Variants in SNX29 observed in about 807,000 individuals in gnomAD.
The protein encoded by SNX29 is sorting nexin 29, also known as sorting nexin-29.
Under a neutral mutation model 102.1 loss-of-function variants are expected in SNX29, and 78 were observed. The observed-to-expected ratio is 0.76, with a 90% CI of 0.64 to 0.92. The LOEUF (loss-of-function observed/expected upper bound fraction) is 0.92. SNX29 is among the 40% of genes least tolerant of loss of function. The probability of loss-of-function intolerance (pLI) is 0.00; values close to 1 mark genes in which losing one functional copy is unlikely to be tolerated. For synonymous variants in SNX29, 580 were observed against 414.5 expected (o/e 1.40, Z -4.85); for missense variants, 1,280 against 1,061.7 (o/e 1.21, Z -2.86).
chr16:12,564,035 C>G (rs529913459), intron 20 of SNX29, among the ~76,000 whole-genome samples: 2 of 148,164 alleles, frequency 1.3e-5, no homozygotes, highest in South Asian at 2.2e-4. Context: ...AGGAGTTGCA[C>G]CGGTAAAAGG....
chr16:12,535,972 C>A (rs548822505), intron 20 of SNX29, among the ~76,000 whole-genome samples: 1 of 152,132 alleles, frequency 6.6e-6, no homozygotes, highest in Non-Finnish European at 1.5e-5. Flanking sequence ...TTGACCCCGG[C>A]TGAGAAAAGG....
At chr16:12,182,529 A>G (rs1274610922) in intron 13 of SNX29, among the ~76,000 whole-genome samples, 1 of 152,126 alleles carries the variant, frequency 6.6e-6, no homozygotes, top group Non-Finnish European at 1.5e-5. Context: ...GGGCTGAGAT[A>G]GTGATTCCTT....
rs1443731858 is a variant in SNX29 at position 12,568,665 on chromosome 16, G to A, written c.*36G>A. On this transcript the variant is annotated 3_prime_UTR_variant, in exon 21 of 21. Transcript: ENST00000566228. Reference sequence around the variant, plus strand: ...ACCGCAGCCACGGGCCCTGTGCGTGGCACCAGCTGCGTCCACCCCAGCCAC... The same window carrying A: ...ACCGCAGCCACGGGCCCTGTGCGTGACACCAGCTGCGTCCACCCCAGCCAC... 4 of 1,592,492 alleles carry A rather than the reference G, an allele frequency of 2.5e-6. No homozygotes were observed. The highest frequency in any genetic ancestry group is 2.6e-6 in the Non-Finnish European group (3 of 1,175,976).
intron 14 of SNX29, among the ~76,000 whole-genome samples, chr16:12,261,054 G>T (rs1213679387): frequency 1.5e-5 from 2 of 136,214 alleles, no homozygotes; most frequent in Non-Finnish European, 3.1e-5. Flanking sequence ...TGCTGAGCTG[G>T]GGTCTGCGCA....
At position 11,976,785 on chromosome 16, in the gene SNX29, C is replaced by G; in HGVS notation, c.-22C>G. The stretch of plus-strand genomic sequence containing the variant: ...GGCAGCGGCGGCGGCGCGGCGCAGG[C>G]ACCGGCCCGGGGAGAGGCACCATGA... On this transcript the variant is annotated 5_prime_UTR_variant, in exon 1 of 21. Transcript: ENST00000566228. 1 of 1,356,372 alleles carries G rather than the reference C, an allele frequency of 7.4e-7. No individual in the cohort carries two copies. Among genetic ancestry groups the G allele is most frequent in the Non-Finnish European group, 9.5e-7 (1 of 1,052,872 alleles). 84.0% of individuals were successfully genotyped at this position (1,356,372 alleles called of 1,614,324 possible).
At chr16:12,233,566 C>G (rs1009175780) in intron 14 of SNX29, among the ~76,000 whole-genome samples, 2 of 152,166 alleles carry the variant, frequency 1.3e-5, no homozygotes, top group African/African-American at 4.8e-5. Flanking sequence ...CAAACCTTCA[C>G]TTGTACCCCC....
At chr16:12,111,838 T>A (rs1013208869) in intron 11 of SNX29, among the ~76,000 whole-genome samples, 1 of 151,386 alleles carries the variant, frequency 6.6e-6, no homozygotes, top group Admixed American at 6.6e-5. Flanking sequence ...GATTTGAGAG[T>A]GTGTGTGGGT....
chr16:12,422,415 G>A (rs1033232824), intron 18 of SNX29, among the ~76,000 whole-genome samples: 5 of 152,176 alleles, frequency 3.3e-5, no homozygotes, highest in African/African-American at 1.2e-4. Flanking sequence ...AAAATTAGGC[G>A]GGGTGGGGCA....
chr16:12,381,918 C>T (rs1364831170), intron 16 of SNX29, among the ~76,000 whole-genome samples: 1 of 150,660 alleles, frequency 6.6e-6, no homozygotes, highest in Non-Finnish European at 1.5e-5. Context: ...ATCTACCCAC[C>T]CCACCCACAC....
At chr16:12,526,969 A>G (rs1023002831) in intron 20 of SNX29, 23 of 407,444 alleles carry the variant, frequency 5.6e-5, no homozygotes, top group African/African-American at 4.6e-4. Context: ...AGAACAGAAC[A>G]CAGGGTTCGA....
At chr16:12,491,332 C>G (rs2088534296) in intron 19 of SNX29, among the ~76,000 whole-genome samples, 1 of 152,212 alleles carries the variant, frequency 6.6e-6, no homozygotes, top group Admixed American at 6.5e-5. Flanking sequence ...ATCAACTTGC[C>G]TAGCTCTTGC....
chr16:12,152,910 T>C (rs1243291354), intron 13 of SNX29, among the ~76,000 whole-genome samples: 1 of 152,204 alleles, frequency 6.6e-6, no homozygotes, highest in Non-Finnish European at 1.5e-5. Flanking sequence ...AGAAGCTTGC[T>C]CAGGACCCCG....
At chr16:12,443,015 C>T (rs1285283284) in intron 18 of SNX29, 6 of 455,746 alleles carry the variant, frequency 1.3e-5, no homozygotes, top group Non-Finnish European at 2.6e-5. Flanking sequence ...ATGTGAAAAT[C>T]ATTCTTAGTC....
Position 12,100,430 on chromosome 16 carries a change from G to A in SNX29, c.1402+21515G>A, listed in dbSNP as rs114105263. ...GTAAAACTGCCCTTGGTTGAAACCC[G>A]CTGCTCTAGGAATCCATAAGCAGAA... On this transcript the variant is annotated intron_variant, in intron 11 of 20. Coordinates refer to ENST00000566228, the MANE Select transcript of SNX29 (RefSeq NM_032167.5). Among the ~76,000 whole-genome samples, 1,253 of 152,208 alleles carry A rather than the reference G, an allele frequency of 8.2e-3. 17 individuals are homozygous for A. The highest frequency in any genetic ancestry group is 0.028 in the African/African-American group (1,175 of 41,518).
At position 12,083,023 on chromosome 16, in the gene SNX29, G is replaced by T. The variant is rs557245324; in HGVS notation, c.1402+4108G>T. ...TCAACAACAAAAACTTATTTTCTCG[G>T]CCGGGCACGGTGGCTCATGCCTGTA... On this transcript the variant is annotated intron_variant, in intron 11 of 20. Coordinates refer to ENST00000566228, the MANE Select transcript of SNX29 (RefSeq NM_032167.5). Among the ~76,000 whole-genome samples, 245 of 152,214 alleles carry T rather than the reference G, an allele frequency of 1.6e-3. 1 individual carries two copies. The highest frequency in any genetic ancestry group is 1.9e-3 in the Non-Finnish European group (127 of 68,014).
chr16:11,982,756 C>G (rs1567490393), intron 1 of SNX29, among the ~76,000 whole-genome samples: 1 of 151,766 alleles, frequency 6.6e-6, no homozygotes, highest in Non-Finnish European at 1.5e-5. Context: ...CACTGAGATT[C>G]CTGTTTCAAG....
intron 20 of SNX29, among the ~76,000 whole-genome samples, chr16:12,563,303 T>C (rs893008690): frequency 9.2e-5 from 14 of 152,084 alleles, no homozygotes; most frequent in African/African-American, 3.1e-4. Flanking sequence ...TCGGAAAGTC[T>C]GCTTTGTGAC....
intron 13 of SNX29, among the ~76,000 whole-genome samples, chr16:12,132,252 C>G (rs1364201353): frequency 6.6e-6 from 1 of 152,122 alleles, no homozygotes; most frequent in African/African-American, 2.4e-5. Context: ...GTGCCCGCCA[C>G]TATGCCCGGC....
At chr16:12,550,580 C>T (rs550468272) in intron 20 of SNX29, among the ~76,000 whole-genome samples, 5 of 151,530 alleles carry the variant, frequency 3.3e-5, no homozygotes, top group Admixed American at 1.3e-4. Context: ...TATACTTCCA[C>T]CGGTGCATAC....
Sources: gnomAD v4.1 joint callset for allele counts (sites outside exome capture counted in the v4.1 genomes callset) on GRCh38, gnomAD v4.1.1 for gene constraint, MANE v1.5 for transcripts, NCBI Gene and HGNC (gene_info 2026-07-23, HGNC 2026-07-21) for gene names.